Variants in PLCB4 observed in about 807,000 individuals in gnomAD.
PLCB4 encodes the protein 1-phosphatidylinositol 4,5-bisphosphate phosphodiesterase beta-4.
A neutral mutation model predicts 178.8 loss-of-function variants in PLCB4; 77 were observed. The ratio of observed to expected loss-of-function variants is 0.43; its 90% CI spans 0.36 to 0.52. The LOEUF is 0.52. PLCB4 is among the 20% of genes least tolerant of loss of function. PLCB4 has a pLI of 0.00. For missense variants in PLCB4, 1,024 were observed against 1,453.4 expected (o/e 0.70, Z 4.80); for synonymous variants, 496 against 490.8 (o/e 1.01, Z -0.14).
intron 4 of PLCB4, among the ~76,000 whole-genome samples, chr20:9,327,837 A>G (rs773053204): frequency 1.3e-5 from 2 of 152,156 alleles, no homozygotes; most frequent in Non-Finnish European, 2.9e-5. Flanking sequence ...AGTTCAGACT[A>G]TGTGTCAAGT....
chr20:9,367,159 C>T (rs1162320268), intron 9 of PLCB4, among the ~76,000 whole-genome samples: 1 of 152,206 alleles, frequency 6.6e-6, no homozygotes, highest in Non-Finnish European at 1.5e-5. Flanking sequence ...CAGAAGACCT[C>T]ATTTTTCTCA....
chr20:9,349,950 CA>C (rs1468930260), intron 7 of PLCB4, among the ~76,000 whole-genome samples: 1 of 152,062 alleles, frequency 6.6e-6, no homozygotes, highest in African/African-American at 2.4e-5. Flanking sequence ...AACTGGATGG[CA>C]TGAAGAAGTG....
intron 2 of PLCB4, among the ~76,000 whole-genome samples, chr20:9,170,490 A>G (rs7361892): frequency 6.6e-6 from 1 of 152,098 alleles, no homozygotes; most frequent in African/African-American, 2.4e-5. Context: ...ATGTTCTGAG[A>G]GGTTCTTTGG....
At chr20:9,345,719 A>G (rs977073072) in intron 7 of PLCB4, among the ~76,000 whole-genome samples, 1 of 152,248 alleles carries the variant, frequency 6.6e-6, no homozygotes, top group African/African-American at 2.4e-5. Flanking sequence ...AACTTCATAA[A>G]TTATGCCTTG....
At chr20:9,187,275 A>G (rs1284878147) in intron 2 of PLCB4, among the ~76,000 whole-genome samples, 1 of 151,940 alleles carries the variant, frequency 6.6e-6, no homozygotes, top group Non-Finnish European at 1.5e-5. Context: ...TGCCCGGCCT[A>G]CTTGTCACTT....
At chr20:9,277,589 G>A (rs546944563) in intron 3 of PLCB4, among the ~76,000 whole-genome samples, 1 of 151,972 alleles carries the variant, frequency 6.6e-6, no homozygotes, top group Non-Finnish European at 1.5e-5. Context: ...GTTACAAAAC[G>A]GTAACTGCTG....
chr20:9,241,016 T>C (rs1163950463), intron 3 of PLCB4, among the ~76,000 whole-genome samples: 1 of 152,174 alleles, frequency 6.6e-6, no homozygotes, highest in African/African-American at 2.4e-5. Flanking sequence ...TCTTCTTCAA[T>C]TCTCTGTCTC....
At chr20:9,077,426 G>A (rs1253837646) in intron 1 of PLCB4, among the ~76,000 whole-genome samples, 2 of 152,200 alleles carry the variant, frequency 1.3e-5, no homozygotes, top group Non-Finnish European at 2.9e-5. Flanking sequence ...TTATGCAGCT[G>A]AACATAGCCT....
intron 3 of PLCB4, among the ~76,000 whole-genome samples, chr20:9,297,632 G>A (rs1034598348): frequency 6.6e-6 from 1 of 152,064 alleles, no homozygotes; most frequent in African/African-American, 2.4e-5. Context: ...AGGACATCAC[G>A]TGTAGATAGG....
chr20:9,284,131 G>A (rs540396222), intron 3 of PLCB4, among the ~76,000 whole-genome samples: 87 of 151,986 alleles, frequency 5.7e-4, no homozygotes, highest in Non-Finnish European at 9.4e-4. Flanking sequence ...GTTGATGTGT[G>A]TTACGTAGAA....
chr20:9,390,270 C>T (rs2038033440), intron 16 of PLCB4, among the ~76,000 whole-genome samples: 1 of 152,142 alleles, frequency 6.6e-6, no homozygotes, highest in Non-Finnish European at 1.5e-5. Flanking sequence ...GAAGATTTGA[C>T]AGTATATTTG....
chr20:9,246,283 C>A (rs1426373945), intron 3 of PLCB4, among the ~76,000 whole-genome samples: 1 of 152,096 alleles, frequency 6.6e-6, no homozygotes, highest in African/African-American at 2.4e-5. Flanking sequence ...AATCACCATT[C>A]AGTTTCTCCC....
chr20:9,451,102 A>G (rs914581131), intron 32 of PLCB4, among the ~76,000 whole-genome samples: 17 of 152,182 alleles, frequency 1.1e-4, no homozygotes, highest in African/African-American at 3.6e-4. Flanking sequence ...ATAAATACTT[A>G]TTGAGCATAT....
At chr20:9,124,383 T>A (rs142636644) in intron 2 of PLCB4, among the ~76,000 whole-genome samples, 14 of 151,986 alleles carry the variant, frequency 9.2e-5, no homozygotes, top group Admixed American at 7.2e-4. Flanking sequence ...TCCCAGCTAA[T>A]TGGGAGGCTG....
chr20:9,122,219 A>T lies in PLCB4; in HGVS notation c.-79+25877A>T, dbSNP rs548161125. Reference sequence around the variant, plus strand: ...CTCTGTAAATTCAGGAAAACATAAAAATAAAGATCACTGTTGTTTTACCAC... The same window carrying T: ...CTCTGTAAATTCAGGAAAACATAAATATAAAGATCACTGTTGTTTTACCAC... On this transcript the variant is annotated intron_variant, in intron 2 of 39. Coordinates refer to ENST00000378473, the MANE Select transcript of PLCB4 (RefSeq NM_001377142.1). Among the ~76,000 whole-genome samples the T allele has an allele frequency of 4.4e-4, 67 of 152,302 alleles. No individual in the cohort carries two copies. In the Middle Eastern group the frequency reaches 0.014, roughly 31 times the overall value.
At chr20:9,114,743 T>C (rs2091719293) in intron 2 of PLCB4, among the ~76,000 whole-genome samples, 1 of 152,178 alleles carries the variant, frequency 6.6e-6, no homozygotes, top group Admixed American at 6.6e-5. Context: ...AAGGCAGCTT[T>C]CTGGAATCAT....
Position 9,473,255 on chromosome 20 carries a change from T to A in PLCB4, c.3409-24T>A, listed in dbSNP as rs747067240. On this transcript the variant is annotated intron_variant, in intron 37 of 39. Transcript: ENST00000378473. ...ATTGTAACCCAAAGTTCAATCAGAATTTTTTTTTTTTTTTTTTTTGCAGCT... is the reference window on the plus strand; with the variant it reads ...ATTGTAACCCAAAGTTCAATCAGAAATTTTTTTTTTTTTTTTTTTGCAGCT... The A allele has an allele frequency of 0.12, 9,062 of 75,296 alleles. 368 individuals are homozygous for A. The highest frequency in any genetic ancestry group is 0.4 in the African/African-American group (8,082 of 19,974). The allele number at this position is 75,296 out of a possible 1,614,324, so 4.7% of individuals were successfully genotyped here. A position where few individuals can be genotyped will look rare whatever the true frequency, so the allele number is the denominator to read the frequency against.
intron 2 of PLCB4, among the ~76,000 whole-genome samples, chr20:9,115,543 A>G (rs956434520): frequency 6.7e-6 from 1 of 149,870 alleles, no homozygotes; most frequent in Admixed American, 6.7e-5. Context: ...TCGTCATTTA[A>G]CATTAGGTAT....
intron 3 of PLCB4, among the ~76,000 whole-genome samples, chr20:9,220,435 C>T (rs2093783982): frequency 6.6e-6 from 1 of 152,150 alleles, no homozygotes; most frequent in South Asian, 2.1e-4. Flanking sequence ...AGTTCAAGAC[C>T]AGCCTGGCCA....
Sources: allele counts gnomAD v4.1 joint callset (sites outside exome capture counted in the v4.1 genomes callset), GRCh38; gene constraint gnomAD v4.1.1; transcripts MANE v1.5; gene names NCBI Gene and HGNC (gene_info 2026-07-23, HGNC 2026-07-21).